The following ST18 variants were observed in gnomAD, a reference collection of about 807,000 sequenced individuals.
ST18 encodes suppression of tumorigenicity 18 protein.
A neutral mutation model predicts 110.0 loss-of-function variants in ST18; 50 were observed. The observed-to-expected ratio is 0.45, with a 90% CI of 0.36 to 0.58. ST18 has a LOEUF of 0.58. Among genes scored for constraint, ST18 ranks in the 20% least tolerant of loss-of-function variants. The pLI, the probability that ST18 is intolerant of heterozygous loss-of-function variation, is 0.00. For synonymous variants in ST18, 461 were observed against 452.4 expected, an observed-to-expected ratio of 1.02 and a Z score of -0.24; for missense variants, 1,306 against 1,280.1, an observed-to-expected ratio of 1.02 and a Z score of -0.31.
intron 25 of ST18, among the ~76,000 whole-genome samples, chr8:52,115,342 G>A (rs531157183): frequency 1.3e-5 from 2 of 152,294 alleles, no homozygotes; most frequent in East Asian, 3.9e-4. Flanking sequence ...AGATTTGTCT[G>A]TATTTAAGAA....
chr8:52,142,299 A>G (rs1430736390), intron 17 of ST18, among the ~76,000 whole-genome samples: 3 of 151,988 alleles, frequency 2.0e-5, no homozygotes, highest in Non-Finnish European at 4.4e-5. Context: ...TTTTTTTTGG[A>G]AAAGTTTAAA....
chr8:52,370,412 CTG>C (rs72081816), intron 2 of ST18, among the ~76,000 whole-genome samples: 4 of 149,626 alleles, frequency 2.7e-5, no homozygotes, highest in Non-Finnish European at 4.4e-5. Flanking sequence ...ATGCGTGTGA[CTG>C]TGTGTGTGTG....
chr8:52,300,581 C>T (rs974070736), intron 2 of ST18, among the ~76,000 whole-genome samples: 1 of 151,936 alleles, frequency 6.6e-6, no homozygotes, highest in Non-Finnish European at 1.5e-5. Context: ...TTTGTATGAC[C>T]CTCGATTTAA....
intron 2 of ST18, among the ~76,000 whole-genome samples, chr8:52,259,723 C>T (rs71513577): frequency 0.02 from 3,076 of 152,186 alleles, 57 homozygotes; most frequent in Non-Finnish European, 0.026. Flanking sequence ...ACTAACTTTT[C>T]CCAGTCCAAA....
chr8:52,406,650 G>A (rs961140854), intron 2 of ST18: 4 of 152,194 alleles, frequency 2.6e-5, no homozygotes, highest in Admixed American at 6.5e-5. Flanking sequence ...ACATCCAAGT[G>A]GATCCTTTTG....
In ST18 at chr8:52,241,131, G is replaced by A. The variant is rs115670484; in HGVS notation, c.-464-11054C>T. Among the ~76,000 whole-genome samples the A allele has an allele frequency of 2.0e-3, 297 of 152,222 alleles. 1 individual carries two copies. Among genetic ancestry groups the A allele is most frequent in the African/African-American group, 6.7e-3 (278 of 41,528 alleles). Reference sequence around the variant, plus strand: ...AATGTATGTCCTGGGCTTGCCTCTCGCATAGGTCCTACTGTACTGTGATTG... The same window carrying A: ...AATGTATGTCCTGGGCTTGCCTCTCACATAGGTCCTACTGTACTGTGATTG... On this transcript the variant is annotated intron_variant, in intron 2 of 25. Coordinates refer to ENST00000689386, the MANE Select transcript of ST18 (RefSeq NM_001352837.2).
intron 2 of ST18, among the ~76,000 whole-genome samples, chr8:52,264,954 T>G (rs1009880436): frequency 6.6e-6 from 1 of 152,166 alleles, no homozygotes; most frequent in African/African-American, 2.4e-5. Flanking sequence ...AGTCTCTTAG[T>G]GGAGAATGAG....
intron 2 of ST18, among the ~76,000 whole-genome samples, chr8:52,322,629 G>A (rs1804478300): frequency 6.6e-6 from 1 of 152,152 alleles, no homozygotes; most frequent in South Asian, 2.1e-4. Flanking sequence ...CTGGTCCAGA[G>A]AGACAGAGCT....
chr8:52,167,796 G>A (rs1014676131), intron 10 of ST18, among the ~76,000 whole-genome samples: 1 of 152,140 alleles, frequency 6.6e-6, no homozygotes, highest in South Asian at 2.1e-4. Context: ...GTGTGGGTGG[G>A]GCCCACGGGA....
chr8:52,385,104 T>A (rs1836070948), intron 2 of ST18, among the ~76,000 whole-genome samples: 1 of 152,182 alleles, frequency 6.6e-6, no homozygotes, highest in Non-Finnish European at 1.5e-5. Flanking sequence ...CTCAGAAATT[T>A]TTCAGTTTCT....
At chr8:52,215,536 TC>T (rs1330267275) in intron 6 of ST18, among the ~76,000 whole-genome samples, 2 of 152,212 alleles carry the variant, frequency 1.3e-5, no homozygotes, top group Admixed American at 6.5e-5. Context: ...AACTCTTTTG[TC>T]ATCATTTCAT....
chr8:52,333,828 T>C (rs1810764575), intron 2 of ST18, among the ~76,000 whole-genome samples: 2 of 152,256 alleles, frequency 1.3e-5, no homozygotes, highest in Non-Finnish European at 2.9e-5. Context: ...ATATCTCACT[T>C]GTACATGTAT....
intron 22 of ST18, among the ~76,000 whole-genome samples, chr8:52,130,724 C>T (rs2049242461): frequency 6.6e-6 from 1 of 152,198 alleles, no homozygotes; most frequent in South Asian, 2.1e-4. Context: ...CATATCCTCA[C>T]CAAGCCTTGG....
intron 2 of ST18, among the ~76,000 whole-genome samples, chr8:52,260,347 T>C (rs1209470288): frequency 2.0e-5 from 3 of 152,200 alleles, no homozygotes; most frequent in Non-Finnish European, 4.4e-5. Context: ...ATAAAGTTCT[T>C]GTTCTTCACA....
chr8:52,196,819 G>A (rs1051686450), intron 8 of ST18, among the ~76,000 whole-genome samples: 1 of 152,144 alleles, frequency 6.6e-6, no homozygotes, highest in African/African-American at 2.4e-5. Context: ...GAAGCCAACT[G>A]TCACTCATGC....
At chr8:52,237,065 G>A (rs1467165998) in intron 2 of ST18, among the ~76,000 whole-genome samples, 1 of 152,132 alleles carries the variant, frequency 6.6e-6, no homozygotes, top group African/African-American at 2.4e-5. Flanking sequence ...TGTTAAAAGG[G>A]ATATAACAGA....
intron 3 of ST18, among the ~76,000 whole-genome samples, chr8:52,224,191 G>A (rs919877321): frequency 3.9e-5 from 6 of 152,112 alleles, no homozygotes; most frequent in African/African-American, 1.4e-4. Flanking sequence ...ATATTAGTCA[G>A]TATGATACTT....
Position 52,110,859 on chromosome 8 carries a change from T to A in ST18, c.*2339A>T, listed in dbSNP as rs1585974567. ...AAACTCGTTATCAATTTTTATTTCCTACCATACACCAAATGTACAGCACTG... is the reference window on the plus strand; with the variant it reads ...AAACTCGTTATCAATTTTTATTTCCAACCATACACCAAATGTACAGCACTG... On this transcript the variant is annotated 3_prime_UTR_variant, in exon 26 of 26. Coordinates refer to ENST00000689386, the MANE Select transcript of ST18 (RefSeq NM_001352837.2). 2.6e-6 allele frequency: 1 copy of A among 384,174 alleles called. No individual in the cohort carries two copies. The highest frequency in any genetic ancestry group is 4.6e-6 in the Non-Finnish European group (1 of 216,736). The allele number at this position is 384,174 out of a possible 1,614,324, so 23.8% of individuals were successfully genotyped here. A position where few individuals can be genotyped will look rare whatever the true frequency, so the allele number is the denominator to read the frequency against.
At chr8:52,300,405 T>A (rs1279302538) in intron 2 of ST18, among the ~76,000 whole-genome samples, 7 of 152,188 alleles carry the variant, frequency 4.6e-5, no homozygotes, top group Admixed American at 2.6e-4. Flanking sequence ...ATGACTAAAT[T>A]CTTAATATGG....
Sources: gnomAD v4.1 joint callset for allele counts (sites outside exome capture counted in the v4.1 genomes callset) on GRCh38, gnomAD v4.1.1 for gene constraint, MANE v1.5 for transcripts, NCBI Gene and HGNC (gene_info 2026-07-23, HGNC 2026-07-21) for gene names.